FHIT: variants seen among roughly 807,000 people sequenced by gnomAD.
FHIT encodes bis(5'-adenosyl)-triphosphatase.
Under a neutral mutation model 17.9 loss-of-function variants are expected in FHIT, and 19 were observed. That is an observed-to-expected ratio of 1.06 (90% confidence interval 0.74 to 1.56). FHIT has a LOEUF of 1.56. Among genes scored for constraint, FHIT ranks in the 40% most tolerant of loss-of-function variants. The pLI is 0.00. For synonymous variants in FHIT, 81 were observed against 69.7 expected, an observed-to-expected ratio of 1.16 and a Z score of -0.81; for missense variants, 248 against 189.2, an observed-to-expected ratio of 1.31 and a Z score of -1.82.
At chr3:60,104,192 C>G (rs11130753) in intron 5 of FHIT, among the ~76,000 whole-genome samples, 36,088 of 152,080 alleles carry the variant, frequency 0.24, 4,440 homozygotes, top group Middle Eastern at 0.34. Flanking sequence ...TCAAAGATAA[C>G]TTTTCCTTTA....
chr3:60,880,809 A>C (rs1011260874), intron 3 of FHIT, among the ~76,000 whole-genome samples: 14 of 152,284 alleles, frequency 9.2e-5, no homozygotes, highest in Non-Finnish European at 1.8e-4. Flanking sequence ...GAAAAGAAGC[A>C]AAACTTATCA....
At chr3:60,913,262 C>A (rs1407653031) in intron 3 of FHIT, among the ~76,000 whole-genome samples, 2 of 152,172 alleles carry the variant, frequency 1.3e-5, no homozygotes, top group Non-Finnish European at 2.9e-5. Context: ...GATGAATGAG[C>A]CAGTACAGAA....
chr3:59,999,177 C>T (rs190416243), intron 7 of FHIT, among the ~76,000 whole-genome samples: 11 of 152,170 alleles, frequency 7.2e-5, no homozygotes, highest in Admixed American at 7.2e-4. Context: ...CACTCCCTCC[C>T]TGGGAGAGAG....
chr3:60,038,699 A>T (rs1242762450), intron 5 of FHIT, among the ~76,000 whole-genome samples: 1 of 84,648 alleles, frequency 1.2e-5, no homozygotes, highest in Admixed American at 9.4e-5. Context: ...CTCGCTACTG[A>T]TAAAAGAATT....
intron 3 of FHIT, among the ~76,000 whole-genome samples, chr3:60,968,022 T>C (rs191281958): frequency 6.6e-6 from 1 of 152,332 alleles, no homozygotes; most frequent in East Asian, 1.9e-4. Context: ...TAGTAAGAAA[T>C]CTGGTGAACA....
chr3:60,455,221 A>G (rs1410511313), intron 5 of FHIT, among the ~76,000 whole-genome samples: 1 of 152,108 alleles, frequency 6.6e-6, no homozygotes. Flanking sequence ...TATCAACCCC[A>G]ATCGGGTTGG....
chr3:61,050,284 A>C (rs2033978004), intron 2 of FHIT, among the ~76,000 whole-genome samples: 2 of 152,186 alleles, frequency 1.3e-5, no homozygotes, highest in Non-Finnish European at 2.9e-5. Flanking sequence ...CCATCTTCAA[A>C]ATATAGAGCA....
intron 5 of FHIT, among the ~76,000 whole-genome samples, chr3:60,451,415 A>C (rs1334684488): frequency 6.6e-6 from 1 of 151,880 alleles, no homozygotes; most frequent in Admixed American, 6.6e-5. Flanking sequence ...ACCCGAATAA[A>C]CTCATCTCCT....
In FHIT at chr3:60,296,122, T is replaced by C. The variant is rs572577587; in HGVS notation, c.103+240738A>G. On this transcript the variant is annotated intron_variant, in intron 5 of 9. Transcript: ENST00000492590. Reference sequence around the variant, plus strand: ...TGATTGTGTGGCCTCCCCAGCCACGTGGAACTGTGAGTCCATTAAACCTCT... The same window carrying C: ...TGATTGTGTGGCCTCCCCAGCCACGCGGAACTGTGAGTCCATTAAACCTCT... Among the ~76,000 whole-genome samples the C allele has an allele frequency of 2.6e-5, 4 of 152,250 alleles. 2 individuals are homozygous for C. In the East Asian group the frequency reaches 7.7e-4, roughly 29 times the overall value.
intron 5 of FHIT, among the ~76,000 whole-genome samples, chr3:60,414,848 G>T (rs1272062038): frequency 6.6e-6 from 1 of 152,254 alleles, no homozygotes; most frequent in African/African-American, 2.4e-5. Flanking sequence ...GACCTCATCT[G>T]GTTTGAAACA....
At position 60,025,748 on chromosome 3, in the gene FHIT, A is replaced by AAG. The variant is rs1314790219; in HGVS notation, c.104-11598_104-11597dup. On this transcript the variant is annotated intron_variant, in intron 5 of 9. Transcript: ENST00000492590. Reference sequence around the variant, plus strand: ...AAATTCTACCAGAAAAAAAAAAAAAAAGAGAGAGTGAAAACTTTCAGCAGC... The same window carrying AAG: ...AAATTCTACCAGAAAAAAAAAAAAAAAGAGAGAGAGTGAAAACTTTCAGCAGC... Among the ~76,000 whole-genome samples the AAG allele has an allele frequency of 7.9e-5, 12 of 152,096 alleles. No individual in the cohort carries two copies. The South Asian group carries it at 2.5e-3, about 32-fold the overall frequency.
At chr3:59,985,631 G>A (rs1708863439) in intron 7 of FHIT, among the ~76,000 whole-genome samples, 1 of 152,072 alleles carries the variant, frequency 6.6e-6, no homozygotes, top group African/African-American at 2.4e-5. Context: ...GTCCAGCTCC[G>A]CTTAGCTGTG....
intron 4 of FHIT, among the ~76,000 whole-genome samples, chr3:60,580,470 C>T (rs1287423957): frequency 6.6e-6 from 1 of 152,104 alleles, no homozygotes; most frequent in Admixed American, 6.6e-5. Context: ...CCAGTAACAT[C>T]TTTAGCTGAT....
At chr3:60,138,183 CAT>C (rs1401691339) in intron 5 of FHIT, among the ~76,000 whole-genome samples, 1 of 152,148 alleles carries the variant, frequency 6.6e-6, no homozygotes, top group Non-Finnish European at 1.5e-5. Flanking sequence ...CTATTCTTAA[CAT>C]GACGCAAAGG....
At chr3:60,252,891 G>A (rs998793579) in intron 5 of FHIT, among the ~76,000 whole-genome samples, 6 of 151,912 alleles carry the variant, frequency 3.9e-5, no homozygotes, top group African/African-American at 1.2e-4. Flanking sequence ...CCAGCTACTC[G>A]GGAGGCTGAG....
intron 5 of FHIT, among the ~76,000 whole-genome samples, chr3:60,350,692 C>A (rs746875606): frequency 1.3e-5 from 2 of 152,164 alleles, no homozygotes; most frequent in African/African-American, 4.8e-5. Context: ...ACTCCAAAAC[C>A]TATTTTTTTC....
chr3:60,360,223 G>C (rs1699850337), intron 5 of FHIT, among the ~76,000 whole-genome samples: 1 of 151,882 alleles, frequency 6.6e-6, no homozygotes, highest in Admixed American at 6.6e-5. Flanking sequence ...GGCTGAGTAT[G>C]GGTGGGGCAA....
At chr3:61,091,814 C>T (rs1375236820) in intron 2 of FHIT, among the ~76,000 whole-genome samples, 1 of 151,522 alleles carries the variant, frequency 6.6e-6, no homozygotes, top group Admixed American at 6.6e-5. Context: ...GTGGCACCCA[C>T]CTGTAGTCCC....
chr3:60,789,805 G>T (rs954697302), intron 4 of FHIT, among the ~76,000 whole-genome samples: 2 of 152,158 alleles, frequency 1.3e-5, no homozygotes, highest in Non-Finnish European at 2.9e-5. Context: ...TGTGGAAATA[G>T]TAACTAAAAC....
Sources: allele counts gnomAD v4.1 joint callset (sites outside exome capture counted in the v4.1 genomes callset), GRCh38; gene constraint gnomAD v4.1.1; transcripts MANE v1.5; gene names NCBI Gene and HGNC (gene_info 2026-07-23, HGNC 2026-07-21).